The following CYP7B1 variants were observed in gnomAD, a reference collection of about 807,000 sequenced individuals.
CYP7B1 encodes cytochrome P450 family 7 subfamily B member 1.
CYP7B1 carries 29 observed loss-of-function variants against 42.7 expected under a neutral mutation model. That is an observed-to-expected ratio of 0.68 (90% CI 0.51 to 0.93). CYP7B1 has a LOEUF of 0.93. Among genes scored for constraint, CYP7B1 ranks in the 40% least tolerant of loss-of-function variants. The pLI, the probability that CYP7B1 is intolerant of heterozygous loss-of-function variation, is 0.00. For synonymous variants in CYP7B1, 235 were observed against 218.2 expected (o/e 1.08, Z -0.68); for missense variants, 655 against 600.5 (o/e 1.09, Z -0.95).
chr8:64,685,689 T>C (rs1806618014), intron 1 of CYP7B1, among the ~76,000 whole-genome samples: 1 of 44,472 alleles, frequency 2.2e-5, no homozygotes, highest in Non-Finnish European at 5.5e-5. Context: ...GTCTGAGAAG[T>C]GAGGAGCCTC....
intron 1 of CYP7B1, among the ~76,000 whole-genome samples, chr8:64,650,720 G>C (rs1224831821): frequency 2.0e-5 from 3 of 152,152 alleles, no homozygotes; most frequent in East Asian, 1.9e-4. Flanking sequence ...GCCTGGCAAA[G>C]ATTTTTAAAA....
At chr8:64,753,203 G>T (rs1448737995) in intron 1 of CYP7B1, among the ~76,000 whole-genome samples, 2 of 152,140 alleles carry the variant, frequency 1.3e-5, no homozygotes, top group African/African-American at 4.8e-5. Context: ...AGACTGAAAA[G>T]AATTCCTCAT....
chr8:64,616,390 C>T, intron 2 of CYP7B1, 109 bp from the exon 3 acceptor site: 1 of 749,286 alleles, frequency 1.3e-6, no homozygotes. Context: ...ACCCTAATAA[C>T]TAAGGCAAAA....
chr8:64,767,806 C>T (rs1804131222), intron 1 of CYP7B1, among the ~76,000 whole-genome samples: 1 of 152,290 alleles, frequency 6.6e-6, no homozygotes, highest in African/African-American at 2.4e-5. Context: ...AACTACAAAT[C>T]GTTCTTCAAA....
At chr8:64,707,266 C>CT (rs1234999027) in intron 1 of CYP7B1, among the ~76,000 whole-genome samples, 7 of 152,048 alleles carry the variant, frequency 4.6e-5, no homozygotes, top group Admixed American at 4.6e-4. Flanking sequence ...ATTCCAGAGT[C>CT]TAATATCTAT....
intron 1 of CYP7B1, among the ~76,000 whole-genome samples, chr8:64,682,249 G>A (rs544739815): frequency 5.3e-5 from 8 of 152,298 alleles, no homozygotes; most frequent in Non-Finnish European, 7.3e-5. Flanking sequence ...GATGGGAGTC[G>A]TGGATTGTGA....
chr8:64,701,865 A>G (rs1806920866), intron 1 of CYP7B1, among the ~76,000 whole-genome samples: 1 of 152,128 alleles, frequency 6.6e-6, no homozygotes, highest in South Asian at 2.1e-4. Flanking sequence ...AAATTATTAT[A>G]TCACAGAGGT....
chr8:64,660,170 T>A (rs908229110), intron 1 of CYP7B1, among the ~76,000 whole-genome samples: 1 of 152,172 alleles, frequency 6.6e-6, no homozygotes, highest in Non-Finnish European at 1.5e-5. Flanking sequence ...AAAACTGAGG[T>A]TCACAAAAGT....
At chr8:64,760,483 A>G (rs1171154912) in intron 1 of CYP7B1, among the ~76,000 whole-genome samples, 3 of 152,146 alleles carry the variant, frequency 2.0e-5, no homozygotes, top group Non-Finnish European at 2.9e-5. Flanking sequence ...TAAAATATAT[A>G]AGGAATTCAT....
intron 1 of CYP7B1, among the ~76,000 whole-genome samples, chr8:64,755,621 G>A (rs1406417492): frequency 6.6e-6 from 1 of 152,056 alleles, no homozygotes; most frequent in South Asian, 2.1e-4. Context: ...GTTTCACCAT[G>A]TTGGTCAGGC....
In CYP7B1 at chr8:64,789,777, A is replaced by C. The variant is rs545425221; in HGVS notation, c.122+8689T>G. 3.9e-5 allele frequency among the ~76,000 whole-genome samples: 6 copies of C among 152,356 alleles called. No homozygotes were observed. The East Asian group carries it at 1.2e-3, about 29-fold the overall frequency. ...TACTTCAATGTAACACACAGTGCCA[A>C]GATGACCCACTGCTTGTGCAGGTGG... On this transcript the variant is annotated intron_variant, in intron 1 of 5. Transcript: ENST00000310193.
In CYP7B1 at chr8:64,624,446, T is replaced by G. The variant is rs778264635; in HGVS notation, c.216A>C (p.Thr72=). The G allele has an allele frequency of 6.2e-7, 1 of 1,613,564 alleles. No homozygotes were observed. The highest frequency in any genetic ancestry group is 8.5e-7 in the Non-Finnish European group (1 of 1,179,912). Residue 72 remains threonine, a synonymous_variant, in exon 2 of 6, where the codon ACA becomes ACC. Coordinates refer to ENST00000310193, the MANE Select transcript of CYP7B1 (RefSeq NM_004820.5). ...AAGTGTCACCATGTTGCTTTTGAAGTGTTTTCATGAACCTTAAGGGGTCTT... is the reference window on the plus strand; with the variant it reads ...AAGTGTCACCATGTTGCTTTTGAAGGGTTTTCATGAACCTTAAGGGGTCTT... ...LRKDPLRFMK[T]LQKQHGDTFT...
intron 2 of CYP7B1, among the ~76,000 whole-genome samples, chr8:64,620,904 TG>T (rs1805520976): frequency 6.6e-6 from 1 of 152,188 alleles, no homozygotes; most frequent in Non-Finnish European, 1.5e-5. Flanking sequence ...CAGCAGAAAT[TG>T]GCTATTTTTT....
At chr8:64,640,518 C>T (rs1299149940) in intron 1 of CYP7B1, among the ~76,000 whole-genome samples, 2 of 151,946 alleles carry the variant, frequency 1.3e-5, no homozygotes, top group South Asian at 2.1e-4. Flanking sequence ...ACATTTTTAT[C>T]TTTGTATTTT....
intron 1 of CYP7B1, among the ~76,000 whole-genome samples, chr8:64,772,594 A>G (rs1328728541): frequency 6.6e-6 from 1 of 152,142 alleles, no homozygotes; most frequent in Non-Finnish European, 1.5e-5. Context: ...TTTCTTATGC[A>G]CACACAGGCG....
At chr8:64,597,074 A>G in intron 5 of CYP7B1, 145 bp from the exon 6 acceptor site, 5 of 640,788 alleles carry the variant, frequency 7.8e-6, no homozygotes, top group Non-Finnish European at 1.0e-5. Flanking sequence ...AGTGCAAATT[A>G]AGCATGAACT....
At chr8:64,781,155 G>A (rs1804415683) in intron 1 of CYP7B1, among the ~76,000 whole-genome samples, 1 of 152,088 alleles carries the variant, frequency 6.6e-6, no homozygotes, top group African/African-American at 2.4e-5. Context: ...AAGGCACTGA[G>A]TATTTATTAC....
intron 2 of CYP7B1, among the ~76,000 whole-genome samples, chr8:64,620,906 G>T (rs1805521020): frequency 6.6e-6 from 1 of 152,064 alleles, no homozygotes; most frequent in Non-Finnish European, 1.5e-5. Context: ...GCAGAAATTG[G>T]CTATTTTTTT....
rs751858235 is a variant in CYP7B1, at chr8:64,595,391, T to A, written c.*1251A>T. On this transcript the variant is annotated 3_prime_UTR_variant, in exon 6 of 6. Transcript: ENST00000310193. ...ATTTCTGAAATATTAGAAGTTCCAA[T>A]TAACGAAGCATGAATTAACTGGACT... Among the ~76,000 whole-genome samples, 2 of 152,242 alleles carry A rather than the reference T, an allele frequency of 1.3e-5. No individual in the cohort carries two copies. The highest frequency in any genetic ancestry group is 6.5e-5 in the Admixed American group (1 of 15,284).
Sources: allele counts gnomAD v4.1 joint callset (sites outside exome capture counted in the v4.1 genomes callset), GRCh38; gene constraint gnomAD v4.1.1; transcripts MANE v1.5; gene names NCBI Gene and HGNC (gene_info 2026-07-23, HGNC 2026-07-21).